Variants in CSMD1 observed in about 807,000 individuals in gnomAD.
CSMD1 encodes the protein CUB and sushi domain-containing protein 1.
CSMD1 carries 213 observed loss-of-function variants against 417.5 expected under a neutral mutation model. That is an observed-to-expected ratio of 0.51 (90% CI 0.46 to 0.57). The LOEUF (loss-of-function observed/expected upper bound fraction) is 0.57. Ranked by LOEUF, CSMD1 falls within the 20% of genes least tolerant of loss-of-function variation. The pLI, the probability that CSMD1 is intolerant of heterozygous loss-of-function variation, is 0.00. For synonymous variants in CSMD1, 2,862 were observed against 1,736.8 expected (o/e 1.65, Z -16.11); for missense variants, 6,923 against 4,529.7 (o/e 1.53, Z -15.17).
chr8:4,105,201 C>T (rs1172213462), intron 3 of CSMD1, among the ~76,000 whole-genome samples: 3 of 152,042 alleles, frequency 2.0e-5, no homozygotes, highest in Non-Finnish European at 4.4e-5. Flanking sequence ...AAGATTATTC[C>T]AAGGGCAGAA....
chr8:4,011,269 C>G (rs752365094), intron 4 of CSMD1, among the ~76,000 whole-genome samples: 1 of 152,154 alleles, frequency 6.6e-6, no homozygotes, highest in Non-Finnish European at 1.5e-5. Flanking sequence ...TCTTCTCTTT[C>G]AAAACGACTA....
chr8:4,522,308 C>T (rs1350070663), intron 2 of CSMD1, among the ~76,000 whole-genome samples: 3 of 152,166 alleles, frequency 2.0e-5, no homozygotes, highest in Non-Finnish European at 4.4e-5. Flanking sequence ...GAGGCCTCCC[C>T]AGCCATGTGG....
intron 2 of CSMD1, among the ~76,000 whole-genome samples, chr8:4,484,150 A>G (rs1801244379): frequency 1.3e-5 from 2 of 150,466 alleles, no homozygotes; most frequent in South Asian, 2.1e-4. Flanking sequence ...GGATTTGTGG[A>G]GGCCGCTTCC....
intron 5 of CSMD1, among the ~76,000 whole-genome samples, chr8:3,993,994 A>T (rs73501250): frequency 6.6e-6 from 1 of 152,276 alleles, no homozygotes; most frequent in African/African-American, 2.4e-5. Flanking sequence ...GCAAACTGCA[A>T]GGGGATGGGC....
chr8:3,830,704 C>T (rs1047702701), intron 5 of CSMD1, among the ~76,000 whole-genome samples: 4 of 152,138 alleles, frequency 2.6e-5, no homozygotes, highest in Admixed American at 6.5e-5. Context: ...CCCAATTCCT[C>T]CCAGACCTGC....
intron 31 of CSMD1, among the ~76,000 whole-genome samples, chr8:3,204,559 G>C (rs757300715): frequency 6.6e-6 from 1 of 152,148 alleles, no homozygotes; most frequent in East Asian, 1.9e-4. Context: ...TTTGGGGAGG[G>C]TGTGCATTAC....
intron 1 of CSMD1, among the ~76,000 whole-genome samples, chr8:4,849,541 C>T (rs1447992728): frequency 1.3e-5 from 2 of 152,160 alleles, no homozygotes; most frequent in Non-Finnish European, 2.9e-5. Flanking sequence ...GTTGCAAACT[C>T]CATTTATGAC....
intron 5 of CSMD1, among the ~76,000 whole-genome samples, chr8:3,954,444 G>A (rs970802808): frequency 4.6e-5 from 7 of 152,126 alleles, no homozygotes; most frequent in African/African-American, 1.2e-4. Context: ...TCAGCTCACT[G>A]CAACCTCCTC....
intron 1 of CSMD1, among the ~76,000 whole-genome samples, chr8:4,854,926 T>C (rs375676131): frequency 3.8e-3 from 584 of 152,194 alleles, no homozygotes; most frequent in Non-Finnish European, 6.6e-3. Context: ...CTCAAGGAGG[T>C]CTGCCTGCCT....
chr8:4,884,838 G>C (rs1014922344), intron 1 of CSMD1, among the ~76,000 whole-genome samples: 1 of 151,930 alleles, frequency 6.6e-6, no homozygotes. Context: ...ACTACCTTGG[G>C]TATTTGGGGT....
At chr8:4,382,341 A>G (rs1393767523) in intron 3 of CSMD1, among the ~76,000 whole-genome samples, 1 of 152,246 alleles carries the variant, frequency 6.6e-6, no homozygotes, top group African/African-American at 2.4e-5. Context: ...ACCAGTGCTC[A>G]TGACTGGTCG....
At position 3,982,152 on chromosome 8, in the gene CSMD1, T is replaced by C. The variant is rs938558807; in HGVS notation, c.818+15751A>G. ...CAGCCTGGGTGACACAGCGAGGCTC[T>C]ATCTCAAAAATAATAATAATAATAA... On this transcript the variant is annotated intron_variant, in intron 5 of 69. Transcript: ENST00000635120. 4.7e-4 allele frequency among the ~76,000 whole-genome samples: 58 copies of C among 122,580 alleles called. 1 individual carries two copies. Among genetic ancestry groups the C allele is most frequent in the Non-Finnish European group, 8.6e-4 (50 of 58,042 alleles). The allele number at this position is 122,580 out of a possible 152,430, so 80.4% of individuals were successfully genotyped here. A position where few individuals can be genotyped will look rare whatever the true frequency, so the allele number is the denominator to read the frequency against.
intron 1 of CSMD1, among the ~76,000 whole-genome samples, chr8:4,829,336 C>T (rs1336824943): frequency 3.3e-5 from 5 of 152,090 alleles, no homozygotes; most frequent in East Asian, 3.9e-4. Context: ...TTCATTTAAC[C>T]TACATTACGT....
At chr8:3,512,736 G>C (rs1797128738) in intron 10 of CSMD1, among the ~76,000 whole-genome samples, 2 of 151,352 alleles carry the variant, frequency 1.3e-5, no homozygotes, top group South Asian at 4.2e-4. Flanking sequence ...AGCTTCCCAA[G>C]TAGCTGGGAC....
intron 54 of CSMD1, among the ~76,000 whole-genome samples, chr8:2,983,974 G>T (rs1314270313): frequency 2.0e-5 from 3 of 152,116 alleles, no homozygotes; most frequent in Non-Finnish European, 2.9e-5. Flanking sequence ...AAGCAAAATT[G>T]GCAGAAATAC....
At chr8:4,226,293 G>C (rs138082000) in intron 3 of CSMD1, among the ~76,000 whole-genome samples, 15 of 152,264 alleles carry the variant, frequency 9.9e-5, no homozygotes, top group African/African-American at 3.1e-4. Context: ...GGATAAAATA[G>C]TTGTTGACAT....
intron 10 of CSMD1, among the ~76,000 whole-genome samples, chr8:3,505,327 G>A (rs570129713): frequency 5.7e-4 from 87 of 152,040 alleles, no homozygotes; most frequent in Non-Finnish European, 9.7e-4. Flanking sequence ...AACTTTGAAG[G>A]AGCAAAAGAT....
intron 2 of CSMD1, among the ~76,000 whole-genome samples, chr8:4,571,879 T>C (rs1411470996): frequency 6.6e-6 from 1 of 152,318 alleles, no homozygotes; most frequent in South Asian, 2.1e-4. Context: ...CATTATGTAA[T>C]GCCCTTGTCT....
At chr8:4,877,537 T>A (rs954825461) in intron 1 of CSMD1, among the ~76,000 whole-genome samples, 3 of 152,098 alleles carry the variant, frequency 2.0e-5, no homozygotes, top group Non-Finnish European at 2.9e-5. Context: ...TTCTTCTTCA[T>A]ATCAATGCAT....
Sources: gnomAD v4.1 joint callset for allele counts (sites outside exome capture counted in the v4.1 genomes callset) on GRCh38, gnomAD v4.1.1 for gene constraint, MANE v1.5 for transcripts, NCBI Gene and HGNC (gene_info 2026-07-23, HGNC 2026-07-21) for gene names.